Variants in IPCEF1 observed in about 807,000 individuals in gnomAD.
IPCEF1 encodes interactor protein for cytohesin exchange factors 1.
In IPCEF1, 31 loss-of-function variants were observed where a neutral mutation model predicts 50.9. That is an observed-to-expected ratio of 0.61 (90% CI 0.46 to 0.82). The LOEUF (loss-of-function observed/expected upper bound fraction) is 0.82, where lower values mean the gene tolerates loss of function less well. Among genes scored for constraint, IPCEF1 ranks in the 40% least tolerant of loss-of-function variants. The probability of loss-of-function intolerance (pLI) is 0.00; values close to 1 mark genes in which losing one functional copy is unlikely to be tolerated. For synonymous variants in IPCEF1, 181 were observed against 192.0 expected (o/e 0.94, Z 0.47); for missense variants, 458 against 514.0 (o/e 0.89, Z 1.05).
At chr6:154,257,883 G>A (rs1335099054) in intron 3 of IPCEF1, among the ~76,000 whole-genome samples, 5 of 152,124 alleles carry the variant, frequency 3.3e-5, no homozygotes, top group African/African-American at 1.2e-4. Context: ...TTTATTTTTT[G>A]GTAGAGATGG....
At position 154,214,267 on chromosome 6, in the gene IPCEF1, A is replaced by T. The variant is rs1400492746; in HGVS notation, c.402T>A (p.Asn134Lys). Residue 134 changes from asparagine (N) to lysine (K), a missense_variant, in exon 8 of 12, where the codon AAT becomes AAA. Asn to Lys is a moderately conservative substitution (Grantham distance 94). Coordinates refer to ENST00000367220, the MANE Select transcript of IPCEF1 (RefSeq NM_001130700.2). ...GATGGATTACAGCCGATCCAAGTTT[A>T]TTTAACCACCTAAAATTCAAATAGA... ...ENVQEMNVWL[N>K]KLGSAVIHQE... 6.2e-7 allele frequency: 1 copy of T among 1,608,564 alleles called. No individual in the cohort carries two copies. The highest frequency in any genetic ancestry group is 2.2e-5 in the East Asian group (1 of 44,836).
intron 3 of IPCEF1, among the ~76,000 whole-genome samples, chr6:154,255,283 C>T (rs978726754): frequency 2.0e-5 from 3 of 152,062 alleles, no homozygotes; most frequent in African/African-American, 7.2e-5. Context: ...TATTGTAATG[C>T]CTTTATTTTC....
At chr6:154,174,254 A>G (rs1226924101) in intron 10 of IPCEF1, among the ~76,000 whole-genome samples, 2 of 152,216 alleles carry the variant, frequency 1.3e-5, no homozygotes, top group Non-Finnish European at 2.9e-5. Flanking sequence ...CTAGGAAGAA[A>G]CTGCATCAAT....
At chr6:154,288,710 A>G (rs1329167752) in intron 2 of IPCEF1, among the ~76,000 whole-genome samples, 1 of 145,330 alleles carries the variant, frequency 6.9e-6, no homozygotes, top group African/African-American at 2.5e-5. Flanking sequence ...AAAAAACTGT[A>G]AAAAGAATGC....
intron 1 of IPCEF1, among the ~76,000 whole-genome samples, chr6:154,321,074 G>T (rs1277597105): frequency 1.3e-5 from 2 of 151,764 alleles, no homozygotes; most frequent in East Asian, 3.9e-4. Flanking sequence ...GGGATTATAG[G>T]CGCGCACCAC....
chr6:154,186,862 A>G (rs1299662131), intron 10 of IPCEF1, among the ~76,000 whole-genome samples: 1 of 152,068 alleles, frequency 6.6e-6, no homozygotes, highest in Non-Finnish European at 1.5e-5. Context: ...GGCCCAGAGC[A>G]GCTCTTTTCA....
intron 1 of IPCEF1, among the ~76,000 whole-genome samples, chr6:154,354,153 G>A (rs1784163836): frequency 6.6e-6 from 1 of 152,146 alleles, no homozygotes; most frequent in Non-Finnish European, 1.5e-5. Flanking sequence ...TAGGTTCGGA[G>A]GTCACAGAGC....
At chr6:154,264,454 C>T (rs971354345) in intron 3 of IPCEF1, among the ~76,000 whole-genome samples, 1 of 152,016 alleles carries the variant, frequency 6.6e-6, no homozygotes, top group African/African-American at 2.4e-5. Context: ...CTCACTGCAA[C>T]CTCTACCTCC....
intron 2 of IPCEF1, among the ~76,000 whole-genome samples, chr6:154,274,317 G>A (rs1199640341): frequency 6.6e-6 from 1 of 150,524 alleles, no homozygotes; most frequent in Non-Finnish European, 1.5e-5. Context: ...TAAAAATACT[G>A]CAATCCATCA....
intron 9 of IPCEF1, among the ~76,000 whole-genome samples, chr6:154,207,422 G>T (rs1034574265): frequency 6.6e-6 from 1 of 152,098 alleles, no homozygotes; most frequent in Non-Finnish European, 1.5e-5. Context: ...TCCACTTGCA[G>T]TTCTGTTCTT....
intron 1 of IPCEF1, among the ~76,000 whole-genome samples, chr6:154,307,120 T>G (rs1408457371): frequency 6.6e-6 from 1 of 152,156 alleles, no homozygotes; most frequent in Non-Finnish European, 1.5e-5. Context: ...GCCCTGCCTA[T>G]CTCCAAATAC....
intron 5 of IPCEF1, among the ~76,000 whole-genome samples, chr6:154,243,306 C>T (rs1780747377): frequency 6.6e-6 from 1 of 152,182 alleles, no homozygotes; most frequent in South Asian, 2.1e-4. Flanking sequence ...TGGATTTCTA[C>T]GGCTGTTAAA....
intron 2 of IPCEF1, among the ~76,000 whole-genome samples, chr6:154,271,796 C>A (rs1251772938): frequency 6.6e-6 from 1 of 152,068 alleles, no homozygotes; most frequent in Non-Finnish European, 1.5e-5. Context: ...CCAGCCTGGG[C>A]AACATAGCAA....
chr6:154,233,705 G>A (rs1309790853), intron 5 of IPCEF1, among the ~76,000 whole-genome samples: 2 of 152,156 alleles, frequency 1.3e-5, no homozygotes, highest in Non-Finnish European at 1.5e-5. Context: ...GCAGTAAGGA[G>A]ATCAGTTACT....
chr6:154,343,081 A>T (rs1164577722), intron 1 of IPCEF1, among the ~76,000 whole-genome samples: 1 of 152,146 alleles, frequency 6.6e-6, no homozygotes, highest in Admixed American at 6.5e-5. Flanking sequence ...CCACCACTGC[A>T]CTCCAGCCTC....
intron 3 of IPCEF1, among the ~76,000 whole-genome samples, chr6:154,264,072 C>G (rs9371786): frequency 0.031 from 4,521 of 146,850 alleles, 249 homozygotes; most frequent in African/African-American, 0.11. Flanking sequence ...AGCCTCCTAC[C>G]GCAGCCACAT....
At chr6:154,217,482 T>C (rs758600657) in intron 7 of IPCEF1, 5 of 148,912 alleles carry the variant, frequency 3.4e-5, no homozygotes, top group African/African-American at 4.9e-5. Flanking sequence ...CAAAAGCTCA[T>C]GGCACGAGCA....
rs2095173517 is a variant in IPCEF1, at chr6:154,288,667, CAAAAAAAACAAAAAAAAAAA to C, written c.-18+1026_-18+1045del. 3.5e-3 allele frequency among the ~76,000 whole-genome samples: 393 copies of C among 112,648 alleles called. 2 individuals are homozygous for C. The highest frequency in any genetic ancestry group is 9.4e-3 in the African/African-American group (299 of 31,768). 73.9% of individuals were successfully genotyped at this position (112,648 alleles called of 152,430 possible). Reference sequence around the variant, plus strand: ...ACAGAGCAAGACTCTGTCTAAAAAACAAAAAAAACAAAAAAAAAAAAAAAAAAAAAAAAAAAAACTGTAAA... The same window carrying C: ...ACAGAGCAAGACTCTGTCTAAAAAACAAAAAAAAAAAAAAAAAACTGTAAA... On this transcript the variant is annotated intron_variant, in intron 2 of 11. Coordinates refer to ENST00000367220, the MANE Select transcript of IPCEF1 (RefSeq NM_001130700.2).
intron 2 of IPCEF1, among the ~76,000 whole-genome samples, chr6:154,279,565 G>T (rs1021781881): frequency 6.6e-6 from 1 of 152,172 alleles, no homozygotes; most frequent in Non-Finnish European, 1.5e-5. Context: ...TAGGGGTCAA[G>T]TTTCATCTTT....
Sources: allele counts gnomAD v4.1 joint callset (sites outside exome capture counted in the v4.1 genomes callset), GRCh38; gene constraint gnomAD v4.1.1; transcripts MANE v1.5; gene names NCBI Gene and HGNC (gene_info 2026-07-23, HGNC 2026-07-21).